Variants in RNFT2 observed in about 807,000 individuals in gnomAD.
RNFT2 encodes the protein ring finger protein, transmembrane 2, also known as E3 ubiquitin-protein ligase RNFT2.
Under a neutral mutation model 53.0 loss-of-function variants are expected in RNFT2, and 36 were observed. The ratio of observed to expected loss-of-function variants is 0.68; its 90% CI spans 0.52 to 0.90. The LOEUF (loss-of-function observed/expected upper bound fraction) is 0.90, where lower values mean the gene tolerates loss of function less well. Among genes scored for constraint, RNFT2 ranks in the 40% least tolerant of loss-of-function variants. The pLI, the probability that RNFT2 is intolerant of heterozygous loss-of-function variation, is 0.00. For missense variants in RNFT2, 514 were observed against 585.6 expected, an observed-to-expected ratio of 0.88 and a Z score of 1.26; for synonymous variants, 260 against 253.2, an observed-to-expected ratio of 1.03 and a Z score of -0.26.
chr12:116,807,354 G>A, intron 7 of RNFT2, among the ~76,000 whole-genome samples: 1 of 152,102 alleles, frequency 6.6e-6, no homozygotes, highest in East Asian at 1.9e-4. Context: ...AGAAATATTA[G>A]ATGATAATAC....
At chr12:116,766,683 C>A in intron 5 of RNFT2, 131 bp from the exon 6 acceptor site, 1 of 698,672 alleles carries the variant, frequency 1.4e-6, no homozygotes, top group Non-Finnish European at 2.5e-6. Flanking sequence ...TGCCAATGCC[C>A]TTCCTTTCAC....
chr12:116,750,018 G>A lies in RNFT2; in HGVS notation c.261G>A (p.Val87=). 1 of 1,554,384 alleles carries A rather than the reference G, an allele frequency of 6.4e-7. No homozygotes were observed. Among genetic ancestry groups the A allele is most frequent in the Non-Finnish European group, 8.7e-7 (1 of 1,149,528 alleles). ...GCTCCTCGGCTGGCGGCGGGGACGT[G>A]TTCATCCAGATGCCCGCGTCCAGGG... is the stretch of plus-strand genomic sequence containing the variant. The part of the protein sequence containing the change: ...VLGSSAGGGD[V]FIQMPASREE... The change falls in exon 4 of 11, where the codon GTG becomes GTA. Residue 87 remains valine, a synonymous_variant. Transcript: ENST00000257575.
intron 8 of RNFT2, among the ~76,000 whole-genome samples, chr12:116,834,421 C>A (rs1876854861): frequency 6.6e-6 from 1 of 152,066 alleles, no homozygotes; most frequent in Non-Finnish European, 1.5e-5. Flanking sequence ...GCCCGGCCTC[C>A]AGTAACTATT....
At chr12:116,837,227 C>G (rs982070853) in intron 10 of RNFT2, among the ~76,000 whole-genome samples, 1 of 152,154 alleles carries the variant, frequency 6.6e-6, no homozygotes, top group Non-Finnish European at 1.5e-5. Context: ...TCAAAGCATC[C>G]TATCTGACCC....
chr12:116,838,046 C>T (rs11068201), intron 10 of RNFT2, among the ~76,000 whole-genome samples: 8,167 of 151,974 alleles, frequency 0.054, 500 homozygotes, highest in East Asian at 0.14. Flanking sequence ...AGTTATAGTA[C>T]ATTCTACCTA....
At chr12:116,827,675 A>AG (rs1372293159) in intron 7 of RNFT2, among the ~76,000 whole-genome samples, 1 of 152,262 alleles carries the variant, frequency 6.6e-6, no homozygotes, top group African/African-American at 2.4e-5. Flanking sequence ...GTAGTGACAG[A>AG]GGTGAGTAGT....
intron 7 of RNFT2, among the ~76,000 whole-genome samples, chr12:116,786,278 C>T (rs184421272): frequency 5.7e-4 from 86 of 151,834 alleles, no homozygotes; most frequent in Non-Finnish European, 1.0e-3. Context: ...CGTGCCACCA[C>T]GCCTGGGTAA....
chr12:116,816,545 G>GGTTTTAATAGTGAGT (rs1179056947), intron 7 of RNFT2, among the ~76,000 whole-genome samples: 9 of 152,152 alleles, frequency 5.9e-5, no homozygotes, highest in Non-Finnish European at 1.0e-4. Context: ...CATCAGCTCT[G>GGTTTTAATAGTGAGT]GTTTTAATAG....
At chr12:116,738,392 T>G (rs1448435662) in intron 1 of RNFT2, 22 bp downstream of exon 1, 2 of 151,696 alleles carry the variant, frequency 1.3e-5, no homozygotes, top group Non-Finnish European at 2.9e-5. Context: ...ACGCGATTTT[T>G]TTTTCTTTTC....
Position 116,840,780 on chromosome 12 carries a change from G to C in RNFT2, c.1200+4498G>C, listed in dbSNP as rs562722130. On this transcript the variant is annotated intron_variant, in intron 10 of 10. Coordinates refer to ENST00000257575, the MANE Select transcript of RNFT2 (RefSeq NM_001382266.1). ...TGTAGGACTTTTTTAAGAGTCATAT[G>C]AGATGATGTATAGGGCTGTATATGG... Among the ~76,000 whole-genome samples the C allele has an allele frequency of 1.4e-4, 21 of 152,298 alleles. No homozygotes were observed. In the South Asian group the frequency reaches 4.1e-3, roughly 30 times the overall value.
intron 7 of RNFT2, among the ~76,000 whole-genome samples, chr12:116,821,798 G>GTTT (rs1876041924): frequency 1.6e-5 from 1 of 61,964 alleles, no homozygotes; most frequent in African/African-American, 6.4e-5. Context: ...CTGACTACTT[G>GTTT]TTTCTTTTTT....
chr12:116,817,594 G>A (rs543437189), intron 7 of RNFT2, among the ~76,000 whole-genome samples: 61 of 152,362 alleles, frequency 4.0e-4, no homozygotes, highest in African/African-American at 1.4e-3. Context: ...GGACACTACT[G>A]ATTGGGAAAC....
intron 6 of RNFT2, among the ~76,000 whole-genome samples, chr12:116,778,328 C>T (rs73403114): frequency 0.022 from 3,331 of 152,176 alleles, 127 homozygotes; most frequent in African/African-American, 0.075. Context: ...GGTTTGGTGT[C>T]GTTCTCATGA....
At position 116,754,022 on chromosome 12, in the gene RNFT2, T is replaced by G; in HGVS notation, c.589T>G (p.Tyr197Asp). Residue 197 changes from tyrosine to aspartate, a missense_variant, in exon 5 of 11, where the codon TAT becomes GAT. Tyr to Asp is a radical substitution (Grantham distance 160, BLOSUM62 -3). Coordinates refer to ENST00000257575, the MANE Select transcript of RNFT2 (RefSeq NM_001382266.1). Reference protein sequence around the residue: ...VCIGMASTFAYANSTLREQVS... With the variant: ...VCIGMASTFADANSTLREQVS... ...CATCGGGATGGCCAGCACCTTCGCC[T>G]ATGCCAACTCCACGCTTCGAGAACA... 1 of 1,613,952 alleles carries G rather than the reference T, an allele frequency of 6.2e-7. No homozygotes were observed. The highest frequency in any genetic ancestry group is 8.5e-7 in the Non-Finnish European group (1 of 1,179,858).
At chr12:116,838,599 CG>C (rs1877097396) in intron 10 of RNFT2, among the ~76,000 whole-genome samples, 3 of 152,188 alleles carry the variant, frequency 2.0e-5, no homozygotes, top group Admixed American at 2.0e-4. Context: ...AGGTGACAAA[CG>C]GTATCTCAGT....
At position 116,773,511 on chromosome 12, in the gene RNFT2, C is replaced by G. The variant is rs191432178; in HGVS notation, c.729-5684C>G. On this transcript the variant is annotated intron_variant, in intron 6 of 10. Coordinates refer to ENST00000257575, the MANE Select transcript of RNFT2 (RefSeq NM_001382266.1). The stretch of plus-strand genomic sequence containing the variant: ...TGACTTAGCCGTTCACTGGCAGTCT[C>G]TGTTTCTCCTTTAAAATTAAAGACA... Among the ~76,000 whole-genome samples, 55 of 152,316 alleles carry G rather than the reference C, an allele frequency of 3.6e-4. 1 individual carries two copies. In the East Asian group the frequency reaches 0.01, roughly 28 times the overall value.
intron 7 of RNFT2, among the ~76,000 whole-genome samples, chr12:116,809,452 T>G (rs896282956): frequency 1.3e-5 from 2 of 152,096 alleles, no homozygotes; most frequent in Non-Finnish European, 2.9e-5. Context: ...CCCCCTCTTT[T>G]TTGCTGGAAT....
chr12:116,820,474 T>A (rs1286140213), intron 7 of RNFT2, among the ~76,000 whole-genome samples: 2 of 152,238 alleles, frequency 1.3e-5, no homozygotes, highest in African/African-American at 4.8e-5. Flanking sequence ...GGTTACTGGA[T>A]TGGCTGTGGT....
chr12:116,827,779 A>G (rs1213100282), intron 7 of RNFT2, among the ~76,000 whole-genome samples: 1 of 152,218 alleles, frequency 6.6e-6, no homozygotes, highest in African/African-American at 2.4e-5. Flanking sequence ...GAGCTGCCCA[A>G]TAGCAAGTGG....
Sources: allele counts gnomAD v4.1 joint callset (sites outside exome capture counted in the v4.1 genomes callset), GRCh38; gene constraint gnomAD v4.1.1; transcripts MANE v1.5; gene names NCBI Gene and HGNC (gene_info 2026-07-23, HGNC 2026-07-21).